Variants in DLC1 observed in about 807,000 individuals in gnomAD.
DLC1 encodes the protein rho GTPase-activating protein 7.
DLC1 carries 54 observed loss-of-function variants against 140.3 expected under a neutral mutation model. That is an observed-to-expected ratio of 0.38 (90% confidence interval 0.31 to 0.48). The LOEUF (loss-of-function observed/expected upper bound fraction) is 0.48, where lower values mean the gene tolerates loss of function less well. Ranked by LOEUF, DLC1 falls within the 20% of genes least tolerant of loss-of-function variation. The pLI, the probability that DLC1 is intolerant of heterozygous loss-of-function variation, is 0.96. For synonymous variants in DLC1, 986 were observed against 728.1 expected (o/e 1.35, Z -5.70); for missense variants, 2,536 against 1,907.0 (o/e 1.33, Z -6.14).
chr8:13,588,225 T>C (rs1383876), intron 1 of DLC1, among the ~76,000 whole-genome samples: 5,095 of 152,040 alleles, frequency 0.034, 139 homozygotes, highest in East Asian at 0.14. Flanking sequence ...GTTAAAAAAA[T>C]AGACAAACCC....
intron 2 of DLC1, among the ~76,000 whole-genome samples, chr8:13,475,697 G>T (rs1010524262): frequency 5.9e-5 from 9 of 152,160 alleles, no homozygotes; most frequent in African/African-American, 2.2e-4. Context: ...CAAACCCTGA[G>T]GCTGGTACTC....
At chr8:13,598,432 C>G (rs2117491808) in intron 1 of DLC1, among the ~76,000 whole-genome samples, 1 of 151,992 alleles carries the variant, frequency 6.6e-6, no homozygotes, top group East Asian at 1.9e-4. Flanking sequence ...AGCCAACAAA[C>G]ATTTGCTTTG....
At chr8:13,166,108 G>C (rs1825088211) in intron 5 of DLC1, among the ~76,000 whole-genome samples, 1 of 152,080 alleles carries the variant, frequency 6.6e-6, no homozygotes, top group South Asian at 2.1e-4. Flanking sequence ...CCTAATGACA[G>C]GATGCCATCC....
intron 3 of DLC1, among the ~76,000 whole-genome samples, chr8:13,398,130 A>C (rs1012918337): frequency 7.3e-4 from 38 of 52,068 alleles, no homozygotes; most frequent in Middle Eastern, 0.013. Context: ...AGTCCATCTC[A>C]AAAAAAAGAA....
intron 1 of DLC1, among the ~76,000 whole-genome samples, chr8:13,595,022 A>G (rs962715089): frequency 2.0e-5 from 3 of 151,076 alleles, no homozygotes; most frequent in African/African-American, 7.3e-5. Flanking sequence ...TGTTGTGAGA[A>G]AAAAAAAAGT....
chr8:13,282,587 A>G (rs1831402175), intron 5 of DLC1, among the ~76,000 whole-genome samples: 1 of 152,182 alleles, frequency 6.6e-6, no homozygotes, highest in Non-Finnish European at 1.5e-5. Flanking sequence ...TCAGGGGGAA[A>G]TAATTTCCTT....
chr8:13,231,594 A>G (rs1829049225), intron 5 of DLC1, among the ~76,000 whole-genome samples: 1 of 152,252 alleles, frequency 6.6e-6, no homozygotes, highest in African/African-American at 2.4e-5. Flanking sequence ...TGATTGGTCT[A>G]CAATTCTACA....
At chr8:13,448,682 G>A (rs545909469) in intron 2 of DLC1, among the ~76,000 whole-genome samples, 47 of 152,218 alleles carry the variant, frequency 3.1e-4, no homozygotes, top group African/African-American at 1.1e-3. Context: ...TTTAAGAATA[G>A]TGTCTACATT....
intron 9 of DLC1, among the ~76,000 whole-genome samples, chr8:13,098,887 TTACAA>T (rs1225542719): frequency 1.4e-4 from 21 of 152,092 alleles, no homozygotes; most frequent in Admixed American, 1.4e-3. Flanking sequence ...AAGTATTGGA[TTACAA>T]GTGTGAGCCA....
At chr8:13,371,328 C>G (rs1835716830) in intron 4 of DLC1, among the ~76,000 whole-genome samples, 1 of 152,140 alleles carries the variant, frequency 6.6e-6, no homozygotes, top group African/African-American at 2.4e-5. Context: ...TGTATTCTGT[C>G]CCCATTCAAA....
At chr8:13,166,087 C>T (rs1347308845) in intron 5 of DLC1, among the ~76,000 whole-genome samples, 5 of 152,178 alleles carry the variant, frequency 3.3e-5, no homozygotes, top group Non-Finnish European at 5.9e-5. Context: ...CATCTTTCCT[C>T]CTGGTGTTTC....
At position 13,384,033 on chromosome 8, in the gene DLC1, G is replaced by C. The variant is rs1274028596; in HGVS notation, c.1314+9520C>G. ...AATCATCAATTATGTTCCATGGTGT[G>C]CATGTATCAGGAATTCAGGAGTGGT... On this transcript the variant is annotated intron_variant, in intron 4 of 17. Coordinates refer to ENST00000276297, the MANE Select transcript of DLC1 (RefSeq NM_182643.3). Among the ~76,000 whole-genome samples, 7 of 152,286 alleles carry C rather than the reference G, an allele frequency of 4.6e-5. No homozygotes were observed. In the South Asian group the frequency reaches 6.2e-4, roughly 14 times the overall value.
At chr8:13,362,695 C>T (rs1052220470) in intron 4 of DLC1, among the ~76,000 whole-genome samples, 1 of 152,090 alleles carries the variant, frequency 6.6e-6, no homozygotes, top group East Asian at 1.9e-4. Context: ...ATTATATTTA[C>T]AATAAAACTC....
chr8:13,529,737 C>T (rs1803036798), intron 1 of DLC1, among the ~76,000 whole-genome samples: 1 of 152,122 alleles, frequency 6.6e-6, no homozygotes, highest in South Asian at 2.1e-4. Flanking sequence ...AAAGATGAGA[C>T]TACTATGTTC....
At chr8:13,475,834 C>T (rs1461440332) in intron 2 of DLC1, among the ~76,000 whole-genome samples, 1 of 152,164 alleles carries the variant, frequency 6.6e-6, no homozygotes, top group Non-Finnish European at 1.5e-5. Context: ...CTATGCATGC[C>T]ATCTTGGAAA....
chr8:13,456,752 C>T (rs1476045971), intron 2 of DLC1, among the ~76,000 whole-genome samples: 1 of 152,216 alleles, frequency 6.6e-6, no homozygotes, highest in East Asian at 1.9e-4. Context: ...AGCCACCGTG[C>T]CCCCCTCCAT....
chr8:13,135,251 C>T lies in DLC1; in HGVS notation c.1349-19594G>A, dbSNP rs527930332. Among the ~76,000 whole-genome samples the T allele has an allele frequency of 2.4e-4, 36 of 148,044 alleles. 1 individual carries two copies. Among genetic ancestry groups the T allele is most frequent in the African/African-American group, 7.0e-4 (28 of 39,750 alleles). ...ACAAAGTCTCGCTGTGTCGCCCAGG[C>T]TGGAGTGCAGTGACACGATCTCGGG... On this transcript the variant is annotated intron_variant, in intron 5 of 17. Coordinates refer to ENST00000276297, the MANE Select transcript of DLC1 (RefSeq NM_182643.3).
At chr8:13,576,171 T>C (rs78565457) in intron 1 of DLC1, among the ~76,000 whole-genome samples, 3 of 152,218 alleles carry the variant, frequency 2.0e-5, no homozygotes, top group Non-Finnish European at 4.4e-5. Flanking sequence ...AGACACATCA[T>C]GTATAGTTTT....
At chr8:13,112,034 C>A (rs919198451) in intron 6 of DLC1, among the ~76,000 whole-genome samples, 9 of 152,144 alleles carry the variant, frequency 5.9e-5, no homozygotes, top group South Asian at 2.1e-4. Flanking sequence ...GGGCTGTGGT[C>A]TCAGCTACAT....
Sources: gnomAD v4.1 joint callset for allele counts (sites outside exome capture counted in the v4.1 genomes callset) on GRCh38, gnomAD v4.1.1 for gene constraint, MANE v1.5 for transcripts, NCBI Gene and HGNC (gene_info 2026-07-23, HGNC 2026-07-21) for gene names.